CNTNAP3B: variants seen among roughly 807,000 people sequenced by gnomAD.
CNTNAP3B encodes the protein contactin-associated protein-like 3B.
CNTNAP3B carries 25 observed loss-of-function variants against 108.9 expected under a neutral mutation model. The ratio of observed to expected loss-of-function variants is 0.23; its 90% confidence interval spans 0.17 to 0.32. The LOEUF (loss-of-function observed/expected upper bound fraction) is 0.32, where lower values mean the gene tolerates loss of function less well. Among genes scored for constraint, CNTNAP3B ranks in the 10% least tolerant of loss-of-function variants. The pLI is 1.00. For missense variants in CNTNAP3B, 252 were observed against 1,210.4 expected (o/e 0.21, Z 11.75); for synonymous variants, 103 against 473.4 (o/e 0.22, Z 10.16).
At chr9:41,926,480 G>A (rs1396383346) in intron 15 of CNTNAP3B, among the ~76,000 whole-genome samples, 2 of 152,274 alleles carry the variant, frequency 1.3e-5, no homozygotes, top group African/African-American at 4.8e-5. Context: ...ATTTATTTTA[G>A]AGATGAGGTC....
chr9:41,924,329 C>A (rs1477718389), intron 15 of CNTNAP3B, among the ~76,000 whole-genome samples: 54 of 152,364 alleles, frequency 3.5e-4, no homozygotes, highest in African/African-American at 1.2e-3. Context: ...GAAGCAAAAG[C>A]AATGAGACCA....
chr9:41,931,513 G>A (rs1387765877), intron 14 of CNTNAP3B, among the ~76,000 whole-genome samples: 4 of 152,216 alleles, frequency 2.6e-5, no homozygotes, highest in African/African-American at 4.8e-5. Context: ...AAATAAAATG[G>A]CTATATTATT....
intron 10 of CNTNAP3B, among the ~76,000 whole-genome samples, chr9:41,969,017 C>T (rs1478165099): frequency 5.3e-5 from 8 of 152,272 alleles, no homozygotes; most frequent in Admixed American, 1.3e-4. Flanking sequence ...AGGATGGTCT[C>T]GATCTCCTGA....
intron 1 of CNTNAP3B, among the ~76,000 whole-genome samples, chr9:42,111,907 G>T (rs1362660347): frequency 7.2e-6 from 1 of 138,612 alleles, no homozygotes; most frequent in Non-Finnish European, 1.5e-5. Context: ...TATCACCAGA[G>T]CAGAAACGGT....
At chr9:42,070,741 C>A (rs1231191812) in intron 3 of CNTNAP3B, among the ~76,000 whole-genome samples, 2 of 152,168 alleles carry the variant, frequency 1.3e-5, no homozygotes, top group African/African-American at 4.8e-5. Context: ...AGATCTCCAA[C>A]CTCTGACCTT....
chr9:41,923,113 A>C (rs1407910207), intron 16 of CNTNAP3B, among the ~76,000 whole-genome samples: 2 of 123,750 alleles, frequency 1.6e-5, no homozygotes, highest in East Asian at 4.6e-4. Flanking sequence ...TTCACAATTC[A>C]ACCTTGTTAA....
Position 42,096,647 on chromosome 9 carries a change from G to A in CNTNAP3B, c.196+7982C>T, listed in dbSNP as rs568399999. On this transcript the variant is annotated intron_variant, in intron 2 of 23. Coordinates refer to ENST00000377561, the MANE Select transcript of CNTNAP3B (RefSeq NM_001201380.3). ...GGCCTTTATAGGAATTATCAGTGTCGTGAAGAAAGTTTTTATTTCCATTTT... is the reference window on the plus strand; with the variant it reads ...GGCCTTTATAGGAATTATCAGTGTCATGAAGAAAGTTTTTATTTCCATTTT... 1.2e-4 allele frequency among the ~76,000 whole-genome samples: 14 copies of A among 121,518 alleles called. 1 individual carries two copies. The East Asian group carries it at 2.5e-3, about 21-fold the overall frequency. 79.7% of individuals were successfully genotyped at this position (121,518 alleles called of 152,430 possible).
chr9:41,921,813 A>G (rs1823675548), intron 17 of CNTNAP3B, among the ~76,000 whole-genome samples: 1 of 149,996 alleles, frequency 6.7e-6, no homozygotes, highest in South Asian at 2.1e-4. Flanking sequence ...AGCAGCGAGG[A>G]AAACCGGGAG....
chr9:42,101,810 C>A (rs1334130414), intron 2 of CNTNAP3B, among the ~76,000 whole-genome samples: 2 of 126,680 alleles, frequency 1.6e-5, no homozygotes, highest in Non-Finnish European at 3.3e-5. Context: ...TGGTGGCTCA[C>A]ACCTTTGGGA....
At chr9:41,940,049 C>A (rs1423667381) in intron 13 of CNTNAP3B, among the ~76,000 whole-genome samples, 1 of 152,290 alleles carries the variant, frequency 6.6e-6, no homozygotes, top group Non-Finnish European at 1.5e-5. Context: ...ACTTGAGGAC[C>A]CACCAATAGG....
At chr9:42,016,667 C>G (rs1465517234) in intron 3 of CNTNAP3B, among the ~76,000 whole-genome samples, 4 of 151,946 alleles carry the variant, frequency 2.6e-5, no homozygotes, top group Non-Finnish European at 5.9e-5. Context: ...TCATTTTAGA[C>G]ATAAACAGCA....
At chr9:41,956,311 G>A (rs550815065) in intron 12 of CNTNAP3B, among the ~76,000 whole-genome samples, 121 of 151,650 alleles carry the variant, frequency 8.0e-4, no homozygotes, top group African/African-American at 2.6e-3. Flanking sequence ...ATTTGAACCC[G>A]GGAGGTGGAG....
At chr9:42,112,561 C>A (rs961829528) in intron 1 of CNTNAP3B, among the ~76,000 whole-genome samples, 1 of 138,550 alleles carries the variant, frequency 7.2e-6, no homozygotes, top group Non-Finnish European at 1.5e-5. Context: ...CCTGTGGGAA[C>A]AGATGAGGCT....
intron 3 of CNTNAP3B, among the ~76,000 whole-genome samples, chr9:42,055,195 C>A (rs1435651079): frequency 1.4e-5 from 2 of 138,338 alleles, no homozygotes; most frequent in African/African-American, 5.7e-5. Flanking sequence ...ATATCTACAT[C>A]CATTTTATAT....
At chr9:42,067,578 G>A (rs1421293777) in intron 3 of CNTNAP3B, among the ~76,000 whole-genome samples, 2 of 151,968 alleles carry the variant, frequency 1.3e-5, no homozygotes, top group Non-Finnish European at 2.9e-5. Context: ...AGAACTTTGA[G>A]GAGTTAAATC....
chr9:41,973,174 C>T (rs1825457026), intron 9 of CNTNAP3B, among the ~76,000 whole-genome samples: 1 of 143,826 alleles, frequency 7.0e-6, no homozygotes. Context: ...GTTTTGATCT[C>T]CTGACCTCGT....
chr9:41,982,017 C>A, intron 9 of CNTNAP3B, among the ~76,000 whole-genome samples: 1 of 76,522 alleles, frequency 1.3e-5, no homozygotes, highest in Admixed American at 1.5e-4. Flanking sequence ...TGTATCGTGT[C>A]ATTGCACTCC....
chr9:42,044,299 T>C (rs1305103982), intron 3 of CNTNAP3B, among the ~76,000 whole-genome samples: 1 of 151,456 alleles, frequency 6.6e-6, no homozygotes, highest in South Asian at 2.1e-4. Flanking sequence ...ACATAGTACA[T>C]ATAGGGTTCA....
chr9:41,929,369 T>A lies in CNTNAP3B; in HGVS notation c.2313A>T (p.Gln771His). ...VTQIVMTDTG[Q>H]PHSEADYTLG... is the part of the protein sequence containing the mutation. ...GTGTATAATCTGCTTCGGAATGTGG[T>A]TGGCCTGTGTCTGTCATCACAATCT... The change falls in exon 15 of 24, where the codon CAA (glutamine) becomes CAT (histidine). Residue 771 changes from glutamine (Q) to histidine (H), a missense_variant. Gln to His is a conservative substitution (Grantham distance 24, BLOSUM62 0). Coordinates refer to ENST00000377561, the MANE Select transcript of CNTNAP3B (RefSeq NM_001201380.3). The A allele has an allele frequency of 3.2e-6, 5 of 1,544,926 alleles. No homozygotes were observed. Among genetic ancestry groups the A allele is most frequent in the Non-Finnish European group, 3.5e-6 (4 of 1,139,770 alleles).
Sources: gnomAD v4.1 joint callset for allele counts (sites outside exome capture counted in the v4.1 genomes callset) on GRCh38, gnomAD v4.1.1 for gene constraint, MANE v1.5 for transcripts, NCBI Gene and HGNC (gene_info 2026-07-23, HGNC 2026-07-21) for gene names.